The following FUCA1 variants were observed in gnomAD, a reference collection of about 807,000 sequenced individuals.
FUCA1 encodes the protein alpha-L-fucosidase 1, also known as tissue alpha-L-fucosidase.
A neutral mutation model predicts 56.8 loss-of-function variants in FUCA1; 52 were observed. The observed-to-expected ratio is 0.92, with a 90% confidence interval of 0.73 to 1.15. FUCA1 has a LOEUF of 1.15. FUCA1 is among the 50% of genes most tolerant of loss of function. FUCA1 has a pLI of 0.00. For synonymous variants in FUCA1, 230 were observed against 226.6 expected (o/e 1.02, Z -0.14); for missense variants, 568 against 592.6 (o/e 0.96, Z 0.43).
intron 2 of FUCA1, among the ~76,000 whole-genome samples, chr1:23,863,536 C>A (rs546803283): frequency 2.6e-5 from 4 of 152,280 alleles, no homozygotes; most frequent in South Asian, 2.1e-4. Context: ...CATCTTTTAT[C>A]TTTTAAGTCA....
At chr1:23,850,946 AAATAAT>A (rs925934554) in intron 5 of FUCA1, among the ~76,000 whole-genome samples, 1 of 151,362 alleles carries the variant, frequency 6.6e-6, no homozygotes, top group Admixed American at 6.6e-5. Context: ...ACTTTATTAA[AAATAAT>A]AATAATAATA....
In FUCA1 at chr1:23,845,840, T is replaced by C; in HGVS notation, c.1276A>G (p.Ile426Val). 1 of 1,614,172 alleles carries C rather than the reference T, an allele frequency of 6.2e-7. No individual in the cohort carries two copies. The highest frequency in any genetic ancestry group is 8.5e-7 in the Non-Finnish European group (1 of 1,180,008). The change falls in exon 8 of 8, where the codon ATT (isoleucine) becomes GTT (valine). Residue 426 changes from isoleucine (I) to valine (V), a missense_variant. Transcript: ENST00000374479. The part of the protein sequence containing the change: ...TSTTKITMLG[I>V]QGDLKWSTDP... ...GTGGACCACTTCAGATCTCCTTGAA[T>C]TCCCAGCATTGTTATCTGCAGAAAA...
At chr1:23,851,994 C>T (rs1317046678) in intron 5 of FUCA1, among the ~76,000 whole-genome samples, 1 of 151,534 alleles carries the variant, frequency 6.6e-6, no homozygotes, top group Non-Finnish European at 1.5e-5. Flanking sequence ...CCTGCACACT[C>T]TGCACTTGTA....
chr1:23,852,918 C>T (rs1459710212), intron 5 of FUCA1, among the ~76,000 whole-genome samples: 2 of 151,680 alleles, frequency 1.3e-5, no homozygotes, highest in Admixed American at 6.6e-5. Flanking sequence ...AAGTGAGGAG[C>T]GTCTCTGCCT....
At chr1:23,859,569 TAAA>T (rs761818444) in intron 4 of FUCA1, among the ~76,000 whole-genome samples, 1 of 129,034 alleles carries the variant, frequency 7.7e-6, no homozygotes. Context: ...CTGTCTCAAT[TAAA>T]AAAAAAAAAA....
At chr1:23,851,875 G>C (rs1158187128) in intron 5 of FUCA1, among the ~76,000 whole-genome samples, 2 of 152,088 alleles carry the variant, frequency 1.3e-5, no homozygotes, top group Admixed American at 6.6e-5. Flanking sequence ...GGGGTGAGGG[G>C]AGGGAGAGCA....
At chr1:23,861,613 C>A (rs1639514630) in intron 3 of FUCA1, among the ~76,000 whole-genome samples, 1 of 152,072 alleles carries the variant, frequency 6.6e-6, no homozygotes, top group African/African-American at 2.4e-5. Context: ...CACTGGAGCC[C>A]CATTTGTACT....
In FUCA1 at chr1:23,854,576, A is replaced by G; in HGVS notation, c.769-16T>C. 1 of 1,604,122 alleles carries G rather than the reference A, an allele frequency of 6.2e-7. No homozygotes were observed. The highest frequency in any genetic ancestry group is 8.5e-7 in the Non-Finnish European group (1 of 1,170,958). Reference sequence around the variant, plus strand: ...CCACCTCATCCTAAGGAGGGAAAGAATATTTGGTCATGAGGAGTAAAACCA... The same window carrying G: ...CCACCTCATCCTAAGGAGGGAAAGAGTATTTGGTCATGAGGAGTAAAACCA... On this transcript the variant is annotated splice_polypyrimidine_tract_variant and intron_variant, in intron 4 of 7. Coordinates refer to ENST00000374479, the MANE Select transcript of FUCA1 (RefSeq NM_000147.5).
intron 2 of FUCA1, among the ~76,000 whole-genome samples, chr1:23,864,724 A>G (rs967073070): frequency 1.3e-4 from 18 of 135,800 alleles, no homozygotes; most frequent in African/African-American, 5.0e-4. Context: ...TTTTTTTTTG[A>G]GACGGAGTCT....
At chr1:23,846,841 CA>C (rs1639154266) in intron 6 of FUCA1, among the ~76,000 whole-genome samples, 1 of 152,174 alleles carries the variant, frequency 6.6e-6, no homozygotes, top group South Asian at 2.1e-4. Flanking sequence ...CTCGGCCTCC[CA>C]AAGTGTTCGG....
chr1:23,852,078 G>GTAATAATAACAATAA (rs1639271336), intron 5 of FUCA1, among the ~76,000 whole-genome samples: 1 of 145,118 alleles, frequency 6.9e-6, no homozygotes, highest in Non-Finnish European at 1.5e-5. Context: ...ATGTTAGAAG[G>GTAATAATAACAATAA]TAATAATAAT....
chr1:23,845,828 G>C lies in FUCA1; in HGVS notation c.1288C>G (p.Leu430Val), dbSNP rs773434435. 2 of 1,614,166 alleles carry C rather than the reference G, an allele frequency of 1.2e-6. No homozygotes were observed. Among genetic ancestry groups the C allele is most frequent in the South Asian group, 2.2e-5 (2 of 91,080 alleles). Residue 430 changes from leucine (L) to valine (V), a missense_variant, in exon 8 of 8, where the codon CTG becomes GTG. Transcript: ENST00000374479. ...TTATCTGGATCTGTGGACCACTTCA[G>C]ATCTCCTTGAATTCCCAGCATTGTT... ...KITMLGIQGD[L>V]KWSTDPDKGL...
At position 23,845,647 on chromosome 1, in the gene FUCA1, G is replaced by A. The variant is rs1309228346; in HGVS notation, c.*68C>T. On this transcript the variant is annotated 3_prime_UTR_variant, in exon 8 of 8. Transcript: ENST00000374479. ...GAGAAGTTCGTTGATTATAGTGATG[G>A]TACTATAAGAGAAAAACTGAAGCAG... The A allele has an allele frequency of 1.9e-6, 3 of 1,567,724 alleles. No homozygotes were observed. Among genetic ancestry groups the A allele is most frequent in the Non-Finnish European group, 2.6e-6 (3 of 1,137,842 alleles).
In FUCA1 at chr1:23,845,700, C is replaced by T; in HGVS notation, c.*15G>A. On this transcript the variant is annotated 3_prime_UTR_variant, in exon 8 of 8. Coordinates refer to ENST00000374479, the MANE Select transcript of FUCA1 (RefSeq NM_000147.5). ...AAACAGTGAGCAGCGCCTCTTTCTT[C>T]TTGCACTCAAATGATTACTTCACTC... 2 of 1,614,160 alleles carry T rather than the reference C, an allele frequency of 1.2e-6. No individual in the cohort carries two copies. The highest frequency in any genetic ancestry group is 2.2e-5 in the South Asian group (2 of 91,082).
intron 5 of FUCA1, among the ~76,000 whole-genome samples, chr1:23,853,440 G>T (rs1171561583): frequency 2.0e-5 from 3 of 150,648 alleles, no homozygotes; most frequent in Admixed American, 6.6e-5. Context: ...GGAGGGAGGT[G>T]GGGGGGTCAG....
At position 23,854,353 on chromosome 1, in the gene FUCA1, C is replaced by T. The variant is rs766588509; in HGVS notation, c.969+7G>A. ...AACAAAAACAAAAAACTCAAAGGTGCTCTTACCGAAATGATTTCAGATTCT... is the reference window on the plus strand; with the variant it reads ...AACAAAAACAAAAAACTCAAAGGTGTTCTTACCGAAATGATTTCAGATTCT... On this transcript the variant is annotated splice_region_variant and intron_variant, in intron 5 of 7. Coordinates refer to ENST00000374479, the MANE Select transcript of FUCA1 (RefSeq NM_000147.5). The T allele has an allele frequency of 6.2e-7, 1 of 1,611,356 alleles. No individual in the cohort carries two copies. The highest frequency in any genetic ancestry group is 1.3e-5 in the African/African-American group (1 of 74,920).
In FUCA1 at chr1:23,859,852, A is replaced by C; in HGVS notation, c.714T>G (p.Thr238=). 1 of 1,613,776 alleles carries C rather than the reference A, an allele frequency of 6.2e-7. No homozygotes were observed. The highest frequency in any genetic ancestry group is 1.3e-5 in the African/African-American group (1 of 75,034). Residue 238 remains threonine, a synonymous_variant, in exon 4 of 8, where the codon ACT becomes ACG. Coordinates refer to ENST00000374479, the MANE Select transcript of FUCA1 (RefSeq NM_000147.5). ...WSDGEWECPD[T]YWNSTNFLSW... Reference sequence around the variant, plus strand: ...AAAGAAAATTTGTGGAGTTCCAGTAAGTATCAGGACATTCCCACTCCCCAT... The same window carrying C: ...AAAGAAAATTTGTGGAGTTCCAGTACGTATCAGGACATTCCCACTCCCCAT...
At chr1:23,851,514 A>G (rs1639258968) in intron 5 of FUCA1, among the ~76,000 whole-genome samples, 1 of 152,156 alleles carries the variant, frequency 6.6e-6, no homozygotes, top group Non-Finnish European at 1.5e-5. Context: ...AGTCTATTCA[A>G]TGTCCTTAAA....
chr1:23,853,603 C>A (rs1384897605), intron 5 of FUCA1, among the ~76,000 whole-genome samples: 1 of 150,978 alleles, frequency 6.6e-6, no homozygotes, highest in Non-Finnish European at 1.5e-5. Flanking sequence ...ATGACAATGG[C>A]GGTTTTGTGG....
Sources: allele counts gnomAD v4.1 joint callset (sites outside exome capture counted in the v4.1 genomes callset), GRCh38; gene constraint gnomAD v4.1.1; transcripts MANE v1.5; gene names NCBI Gene and HGNC (gene_info 2026-07-23, HGNC 2026-07-21).